SIL1: variants seen among roughly 807,000 people sequenced by gnomAD.
The protein encoded by SIL1 is SIL1 nucleotide exchange factor.
In SIL1, 40 loss-of-function variants were observed where a neutral mutation model predicts 49.1. The observed-to-expected ratio is 0.81, with a 90% confidence interval of 0.63 to 1.06. The LOEUF is 1.06. SIL1 is among the 50% of genes least tolerant of loss of function. SIL1 has a pLI of 0.00. For synonymous variants in SIL1, 253 were observed against 250.8 expected, an observed-to-expected ratio of 1.01 and a Z score of -0.08; for missense variants, 500 against 572.6, an observed-to-expected ratio of 0.87 and a Z score of 1.29.
At chr5:138,972,168 G>C (rs537091629) in intron 7 of SIL1, among the ~76,000 whole-genome samples, 4 of 152,302 alleles carry the variant, frequency 2.6e-5, no homozygotes, top group African/African-American at 9.6e-5. Context: ...CAGTTCCTGA[G>C]CTCTGCACAT....
intron 7 of SIL1, among the ~76,000 whole-genome samples, chr5:138,958,031 T>A (rs535593867): frequency 6.6e-6 from 1 of 152,214 alleles, no homozygotes; most frequent in Non-Finnish European, 1.5e-5. Flanking sequence ...AACGTTGGGA[T>A]TACCGGCATG....
intron 7 of SIL1, among the ~76,000 whole-genome samples, chr5:138,989,064 C>G (rs148996590): frequency 1.0e-3 from 154 of 152,236 alleles, no homozygotes; most frequent in South Asian, 2.9e-3. Context: ...CAAAGGGACA[C>G]GGTGGAAGGA....
chr5:138,998,948 C>T (rs1767931282), intron 7 of SIL1, among the ~76,000 whole-genome samples: 2 of 150,528 alleles, frequency 1.3e-5, no homozygotes, highest in East Asian at 1.9e-4. Context: ...CCTCTGCCTC[C>T]CAGGTTCAAG....
Position 138,948,122 on chromosome 5 carries a change from C to T in SIL1, c.1030-649G>A, listed in dbSNP as rs1042146219. ...GTATGGAGAAAGAAGGAATGCCTGCCCTAACTCCAGGGGAGAATGAAGCAC... is the reference window on the plus strand; with the variant it reads ...GTATGGAGAAAGAAGGAATGCCTGCTCTAACTCCAGGGGAGAATGAAGCAC... On this transcript the variant is annotated intron_variant, in intron 9 of 9. Transcript: ENST00000394817. The surrounding 1 kb of genome is among the most constrained non-coding windows in gnomAD (Gnocchi z 4.8). Among the ~76,000 whole-genome samples, 8 of 152,150 alleles carry T rather than the reference C, an allele frequency of 5.3e-5. No individual in the cohort carries two copies. Among genetic ancestry groups the T allele is most frequent in the African/African-American group, 1.9e-4 (8 of 41,416 alleles).
intron 7 of SIL1, among the ~76,000 whole-genome samples, chr5:138,954,811 C>T (rs1766865430): frequency 6.6e-6 from 1 of 152,218 alleles, no homozygotes; most frequent in Non-Finnish European, 1.5e-5. Flanking sequence ...CTGGGAATCT[C>T]ATAAGCAATG....
intron 5 of SIL1, among the ~76,000 whole-genome samples, chr5:139,036,584 A>T (rs1768915716): frequency 6.6e-6 from 1 of 152,214 alleles, no homozygotes; most frequent in Non-Finnish European, 1.5e-5. Flanking sequence ...TTCTTAACAA[A>T]CTAATGCAGG....
At chr5:139,197,268 C>CAAAAAAAAAAAAAAAAAAAAAAAAATAA (rs11363617) in intron 1 of SIL1, among the ~76,000 whole-genome samples, 1 of 58,830 alleles carries the variant, frequency 1.7e-5, no homozygotes. Flanking sequence ...AACTCCGCCT[C>CAAAAAAAAAAAAAAAAAAAAAAAAATAA]AAAAAAAAAA....
In SIL1 at chr5:139,026,801, C is replaced by T; in HGVS notation, c.645G>A (p.Gln215=). The T allele has an allele frequency of 2.5e-6, 4 of 1,614,006 alleles. No homozygotes were observed. Among genetic ancestry groups the T allele is most frequent in the Non-Finnish European group, 3.4e-6 (4 of 1,179,952 alleles). Reference sequence around the variant, plus strand: ...ACTTATGGACGAAGAAATACAGTACCTGATGGACATAATATTCAAGATCAA... The same window carrying T: ...ACTTATGGACGAAGAAATACAGTACTTGATGGACATAATATTCAAGATCAA... The part of the protein sequence containing the change: ...ALFDLEYYVH[Q]MDNAQDLLSF... Residue 215 remains glutamine (Q), a splice_region_variant and synonymous_variant, in exon 6 of 10, where the codon CAG becomes CAA. Coordinates refer to ENST00000394817, the MANE Select transcript of SIL1 (RefSeq NM_022464.5).
rs1021668399 is a variant in SIL1, at chr5:139,121,058, T to C, written c.221A>G (p.His74Arg). Residue 74 changes from histidine to arginine, a missense_variant, in exon 3 of 10, where the codon CAT becomes CGT. His to Arg is a conservative substitution (Grantham distance 29). Transcript: ENST00000394817. The part of the protein sequence containing the change: ...AEVLEVFHPT[H>R]EWQALQPGQA... ...ACCTGGCTGAAGGGCCTGCCACTCA[T>C]GCGTCGGGTGGAACACCTCCAGGAC... 4 of 1,614,172 alleles carry C rather than the reference T, an allele frequency of 2.5e-6. No homozygotes were observed. The highest frequency in any genetic ancestry group is 2.2e-5 in the East Asian group (1 of 44,884).
intron 3 of SIL1, 107 bp downstream of exon 3, chr5:139,120,928 C>T: frequency 7.0e-7 from 1 of 1,418,466 alleles, no homozygotes; most frequent in South Asian, 1.2e-5. Flanking sequence ...TGTTTCCCTC[C>T]CGCAGGCCAG....
intron 4 of SIL1, among the ~76,000 whole-genome samples, chr5:139,048,534 T>C (rs1291713730): frequency 6.6e-6 from 1 of 151,638 alleles, no homozygotes; most frequent in East Asian, 1.9e-4. Flanking sequence ...TGCCACCACC[T>C]CCAGCTAATT....
intron 7 of SIL1, among the ~76,000 whole-genome samples, chr5:139,003,075 C>T (rs560774527): frequency 2.0e-4 from 31 of 152,206 alleles, no homozygotes; most frequent in Non-Finnish European, 4.0e-4. Context: ...GGGACAGCAG[C>T]CCAAGGCCCT....
Position 138,951,879 on chromosome 5 carries a change from G to GGGTC in SIL1, c.772_773insGACC (p.Pro258ArgfsTer95), listed in dbSNP as rs758021714. On this transcript the variant is annotated frameshift_variant, in exon 8 of 10. Coordinates refer to ENST00000394817, the MANE Select transcript of SIL1 (RefSeq NM_022464.5). LOFTEE classifies it high-confidence loss of function. ...TTCGATGGCCTCCACCTGGACCTTGGGGTTGCTGGGGAAGAAGCACAGGAC... is the reference window on the plus strand; with the variant it reads ...TTCGATGGCCTCCACCTGGACCTTGGGGTCGGTTGCTGGGGAAGAAGCACAGGAC... The GGGTC allele has an allele frequency of 5.0e-6, 8 of 1,613,616 alleles. No homozygotes were observed. The highest frequency in any genetic ancestry group is 5.9e-6 in the Non-Finnish European group (7 of 1,179,974).
intron 7 of SIL1, among the ~76,000 whole-genome samples, chr5:138,990,616 T>C (rs1767735482): frequency 6.6e-6 from 1 of 152,088 alleles, no homozygotes; most frequent in South Asian, 2.1e-4. Flanking sequence ...TTGTTAGAGA[T>C]GGGATCTCAC....
At chr5:139,057,322 A>C (rs979443395) in intron 3 of SIL1, among the ~76,000 whole-genome samples, 1 of 146,900 alleles carries the variant, frequency 6.8e-6, no homozygotes, top group African/African-American at 2.6e-5. Flanking sequence ...AATAAAAAAA[A>C]AAAAAAGAAA....
At chr5:139,027,136 T>C in intron 5 of SIL1, 144 bp from the exon 6 acceptor site, 2 of 778,132 alleles carry the variant, frequency 2.6e-6, no homozygotes, top group Non-Finnish European at 4.3e-6. Flanking sequence ...AAAATACTAA[T>C]ACTTTCTAAG....
At chr5:139,176,875 G>A (rs182333698) in intron 1 of SIL1, among the ~76,000 whole-genome samples, 3 of 150,342 alleles carry the variant, frequency 2.0e-5, no homozygotes, top group African/African-American at 7.3e-5. Context: ...GGGCAGGAAA[G>A]CAAAGTAAAT....
intron 5 of SIL1, among the ~76,000 whole-genome samples, chr5:139,041,329 T>G (rs1769043971): frequency 6.6e-6 from 1 of 152,184 alleles, no homozygotes; most frequent in Non-Finnish European, 1.5e-5. Context: ...ATTTCACACT[T>G]CTTAAACAGG....
intron 7 of SIL1, among the ~76,000 whole-genome samples, chr5:138,964,906 G>A (rs1211751901): frequency 6.6e-6 from 1 of 152,250 alleles, no homozygotes; most frequent in Admixed American, 6.5e-5. Flanking sequence ...CACACGCCAT[G>A]GCTGAGTATG....
Sources: allele counts gnomAD v4.1 joint callset (sites outside exome capture counted in the v4.1 genomes callset), GRCh38; gene constraint gnomAD v4.1.1; non-coding constraint Gnocchi (gnomAD v3.1); transcripts MANE v1.5; gene names NCBI Gene and HGNC (gene_info 2026-07-23, HGNC 2026-07-21).